Variants in HOXC4 observed in about 807,000 individuals in gnomAD.
HOXC4 encodes homeobox protein Hox-C4.
In HOXC4, 15 loss-of-function variants were observed where a neutral mutation model predicts 25.5. The ratio of observed to expected loss-of-function variants is 0.59; its 90% confidence interval spans 0.39 to 0.91. The LOEUF (loss-of-function observed/expected upper bound fraction) is 0.91. Among genes scored for constraint, HOXC4 ranks in the 40% least tolerant of loss-of-function variants. HOXC4 has a pLI of 0.00. For synonymous variants in HOXC4, 165 were observed against 148.0 expected, an observed-to-expected ratio of 1.11 and a Z score of -0.83; for missense variants, 342 against 352.4, an observed-to-expected ratio of 0.97 and a Z score of 0.24.
chr12:54,024,712 C>T (rs1445435183), intron 1 of HOXC4, among the ~76,000 whole-genome samples: 1 of 152,124 alleles, frequency 6.6e-6, no homozygotes, highest in Non-Finnish European at 1.5e-5. Context: ...CAGCCTTTCC[C>T]TGGCCTAAAG....
At chr12:54,029,129 T>C (rs574940018) in intron 1 of HOXC4, among the ~76,000 whole-genome samples, 2 of 150,080 alleles carry the variant, frequency 1.3e-5, no homozygotes, top group African/African-American at 2.5e-5. Context: ...CCCTGACGGA[T>C]TGGAGGGCCC....
rs113264704 is a variant in HOXC4, at chr12:54,034,580, G to C, written c.-124+17166G>C. On this transcript the variant is annotated intron_variant, in intron 1 of 3. Coordinates refer to the HOXC4 transcript ENST00000303406. ...TTCGCCTTTCCTCTCTATATTTCGG[G>C]TCGGGGGCAGGTGCTGGAGCACTGG... The C allele has an allele frequency of 8.5e-3, 9,846 of 1,153,558 alleles. 614 individuals are homozygous for C. In the African/African-American group the frequency reaches 0.13, roughly 16 times the overall value. 71.5% of individuals were successfully genotyped at this position (1,153,558 alleles called of 1,614,324 possible).
upstream of HOXC4, among the ~76,000 whole-genome samples, chr12:54,051,580 G>A (rs1469896340): frequency 2.6e-5 from 4 of 152,220 alleles, no homozygotes; most frequent in African/African-American, 9.6e-5. Context: ...AGCCAACTCT[G>A]AGAATTTGGG....
chr12:54,025,417 T>C (rs1940646263), intron 1 of HOXC4, among the ~76,000 whole-genome samples: 1 of 152,004 alleles, frequency 6.6e-6, no homozygotes, highest in Non-Finnish European at 1.5e-5. Flanking sequence ...CGGGCTCATC[T>C]GACCTGCTCT....
At chr12:54,028,733 A>T (rs1358133124) in intron 1 of HOXC4, 1 of 1,614,152 alleles carries the variant, frequency 6.2e-7, no homozygotes, top group South Asian at 1.1e-5. Context: ...GGGCCGTATG[A>T]CTATGGATCT....
chr12:54,038,810 G>A (rs1183031481), intron 1 of HOXC4, among the ~76,000 whole-genome samples: 1 of 152,104 alleles, frequency 6.6e-6, no homozygotes, highest in African/African-American at 2.4e-5. Flanking sequence ...GGGAGCAGAG[G>A]CAATGTCTTT....
At chr12:54,025,372 G>A (rs934185110) in intron 1 of HOXC4, among the ~76,000 whole-genome samples, 2 of 152,044 alleles carry the variant, frequency 1.3e-5, no homozygotes, top group African/African-American at 4.8e-5. Flanking sequence ...AACATGAAAT[G>A]GGAAAAAGAA....
intron 1 of HOXC4, among the ~76,000 whole-genome samples, chr12:54,024,346 C>G (rs1168279693): frequency 1.3e-5 from 2 of 152,064 alleles, no homozygotes; most frequent in Non-Finnish European, 2.9e-5. Context: ...TGCTTGGGTC[C>G]CCGAGCAGCC....
At chr12:54,041,902 A>G (rs1941279262) in intron 1 of HOXC4, among the ~76,000 whole-genome samples, 1 of 151,654 alleles carries the variant, frequency 6.6e-6, no homozygotes, top group Non-Finnish European at 1.5e-5. Context: ...ACCTCAGGTA[A>G]TCCACACGCC....
At position 54,054,800 on chromosome 12, in the gene HOXC4, G is replaced by A. The variant is rs201431661; in HGVS notation, c.440-50G>A. On this transcript the variant is annotated intron_variant, in intron 1 of 1. Transcript: ENST00000430889. ...GAGGATGGGGTGAGGGTGGGGGGCG[G>A]GGAGCCTGCTGCCTCTGAACCCCAC... The A allele has an allele frequency of 1.2e-4, 156 of 1,258,260 alleles. No individual in the cohort carries two copies. The African/African-American group carries it at 2.0e-3, about 16-fold the overall frequency. The allele number at this position is 1,258,260 out of a possible 1,614,324, so 77.9% of individuals were successfully genotyped here. A position where few individuals can be genotyped will look rare whatever the true frequency, so the allele number is the denominator to read the frequency against.
chr12:54,029,585 G>A, intron 1 of HOXC4: 1 of 1,517,884 alleles, frequency 6.6e-7, no homozygotes, highest in East Asian at 2.3e-5. Flanking sequence ...TCAGGACTTT[G>A]CTAGGCGAAA....
At chr12:54,029,409 C>T (rs1292366871) in intron 1 of HOXC4, among the ~76,000 whole-genome samples, 1 of 87,044 alleles carries the variant, frequency 1.1e-5, no homozygotes, top group Non-Finnish European at 2.2e-5. Flanking sequence ...CCCCGCCCCC[C>T]CGCCCCCCCC....
chr12:54,027,863 C>T lies in HOXC4; in HGVS notation c.-124+10449C>T, dbSNP rs147150226. ...AAGACTCTCAGCCACACTCTACTTA[C>T]TCAGGGGAACAGGTTTTATGAAATT... On this transcript the variant is annotated intron_variant, in intron 1 of 3. Transcript: ENST00000303406. 4.1e-3 allele frequency among the ~76,000 whole-genome samples: 631 copies of T among 152,238 alleles called. 2 individuals are homozygous for T. The highest frequency in any genetic ancestry group is 0.01 in the Middle Eastern group (3 of 294).
chr12:54,025,014 G>A (rs1940627021), intron 1 of HOXC4, among the ~76,000 whole-genome samples: 1 of 152,134 alleles, frequency 6.6e-6, no homozygotes, highest in African/African-American at 2.4e-5. Context: ...GTGAAAATCT[G>A]CTCTTGACAC....
intron 1 of HOXC4, chr12:54,030,786 G>T (rs766300445): frequency 1.6e-4 from 25 of 152,510 alleles, no homozygotes; most frequent in African/African-American, 5.8e-4. Context: ...GTCCGTTCTC[G>T]AATATTTAAT....
intron 1 of HOXC4, chr12:54,020,610 T>C (rs1200352928): frequency 2.0e-5 from 3 of 152,204 alleles, no homozygotes; most frequent in Non-Finnish European, 4.4e-5. Flanking sequence ...CATATTTCCT[T>C]GGTGGTTAAT....
chr12:54,043,058 T>C (rs1282464564), intron 1 of HOXC4, among the ~76,000 whole-genome samples: 1 of 152,196 alleles, frequency 6.6e-6, no homozygotes, highest in South Asian at 2.1e-4. Context: ...GAGGAAGCGG[T>C]ATGGGTGTGC....
rs773857776 is a variant in HOXC4 at position 54,033,340 on chromosome 12, G to T, written c.-124+15926G>T. On this transcript the variant is annotated intron_variant, in intron 1 of 3. Coordinates refer to the HOXC4 transcript ENST00000303406. ...GCCAACCCCCGGGCTCACCCCGACC[G>T]CCCCGCCTGCAGCGCCGCGGCCGCT... is the stretch of plus-strand genomic sequence containing the variant. The T allele has an allele frequency of 4.3e-6, 7 of 1,612,616 alleles. No homozygotes were observed. The East Asian group carries it at 1.3e-4, about 31-fold the overall frequency.
At chr12:54,053,542 G>C (rs1315924942), upstream of HOXC4, 3 of 219,474 alleles carry the variant, frequency 1.4e-5, no homozygotes, top group Non-Finnish European at 2.7e-5. Context: ...GAGACCCTGG[G>C]CGGGGGCTGA....
Sources: allele counts gnomAD v4.1 joint callset (sites outside exome capture counted in the v4.1 genomes callset), GRCh38; gene constraint gnomAD v4.1.1; transcripts MANE v1.5; gene names NCBI Gene and HGNC (gene_info 2026-07-23, HGNC 2026-07-21).